LINC00632: variants seen among roughly 807,000 people sequenced by gnomAD.
LINC00632 encodes ALDOA related specific transcript.
intron 3 of LINC00632, among the ~76,000 whole-genome samples, chrX:140,744,971 G>A (rs1449261573): frequency 2.7e-5 from 3 of 110,498 alleles, no homozygotes; most frequent in South Asian, 7.8e-4. Flanking sequence ...ACCTGTCAGC[G>A]AAGGTAGGTT....
intron 3 of LINC00632, among the ~76,000 whole-genome samples, chrX:140,760,368 T>C (rs1472675090): frequency 8.9e-6 from 1 of 112,092 alleles, no homozygotes; most frequent in Non-Finnish European, 1.9e-5. Flanking sequence ...TACTTCTAGC[T>C]GGGGTCTCAG....
chrX:140,752,005 G>T (rs1033833841), intron 3 of LINC00632, among the ~76,000 whole-genome samples: 1 of 111,423 alleles, frequency 9.0e-6, no homozygotes, highest in Non-Finnish European at 1.9e-5. Flanking sequence ...CCTTGGTGAT[G>T]ATTATCTTAG....
chrX:140,719,789 T>A (rs1165133862), intron 2 of LINC00632, among the ~76,000 whole-genome samples: 3 of 108,890 alleles, frequency 2.8e-5, no homozygotes, highest in Non-Finnish European at 1.9e-5. Context: ...CATTTTACAT[T>A]TTAAAGACTC....
chrX:140,727,441 G>GCCA (rs1930981863), intron 2 of LINC00632, among the ~76,000 whole-genome samples: 1 of 111,110 alleles, frequency 9.0e-6, no homozygotes, highest in African/African-American at 3.3e-5. Flanking sequence ...ACAGGTGCCC[G>GCCA]CCACTACGCC....
exon 5 of LINC00632, chrX:140,782,729 A>G (rs1242524003): frequency 9.0e-6 from 1 of 111,677 alleles, no homozygotes; most frequent in Non-Finnish European, 1.9e-5. Context: ...AAGTCTTTAA[A>G]TACCTGCAAG....
intron 2 of LINC00632, among the ~76,000 whole-genome samples, chrX:140,716,856 A>G (rs1045976596): frequency 2.7e-5 from 3 of 110,486 alleles, no homozygotes; most frequent in African/African-American, 6.6e-5. Flanking sequence ...GCCCTACATC[A>G]TACAAACACA....
At chrX:140,753,348 T>G (rs1931437974) in intron 3 of LINC00632, among the ~76,000 whole-genome samples, 1 of 112,151 alleles carries the variant, frequency 8.9e-6, no homozygotes, top group African/African-American at 3.2e-5. Context: ...CTTTCAGCTT[T>G]GAGTGTTTGT....
intron 2 of LINC00632, among the ~76,000 whole-genome samples, chrX:140,718,653 C>T (rs776427378): frequency 9.0e-6 from 1 of 111,488 alleles, no homozygotes; most frequent in South Asian, 3.8e-4. Context: ...TCAGGTGATC[C>T]ACCCATCTCT....
intron 2 of LINC00632, among the ~76,000 whole-genome samples, chrX:140,723,560 G>GACACACATTCCATACACAC (rs1930791437): frequency 4.1e-4 from 1 of 2,465 alleles, no homozygotes; most frequent in East Asian, 0.022. Flanking sequence ...CACATACACA[G>GACACACATTCCATACACAC]ACACACATTC....
chrX:140,738,446 G>T (rs777908814), intron 3 of LINC00632, among the ~76,000 whole-genome samples: 1 of 112,443 alleles, frequency 8.9e-6, no homozygotes, highest in East Asian at 2.8e-4. Flanking sequence ...CCATGCAATG[G>T]AAGTAGTTGT....
intron 3 of LINC00632, among the ~76,000 whole-genome samples, chrX:140,763,122 G>A (rs952705977): frequency 3.6e-5 from 4 of 112,067 alleles, no homozygotes; most frequent in Admixed American, 9.4e-5. Context: ...TAGGCCAGGC[G>A]CGGTGGCTCA....
At chrX:140,785,687 C>G (rs995596067) in exon 5 of LINC00632, among the ~76,000 whole-genome samples, 1 of 112,060 alleles carries the variant, frequency 8.9e-6, no homozygotes, top group Admixed American at 9.5e-5. Flanking sequence ...CTTTCTGATA[C>G]CATTTTCAGT....
At chrX:140,753,888 G>C (rs767372999) in intron 3 of LINC00632, among the ~76,000 whole-genome samples, 2 of 101,990 alleles carry the variant, frequency 2.0e-5, no homozygotes, top group Non-Finnish European at 3.9e-5. Context: ...CAGTTCTCCT[G>C]CCTCAGCCTG....
chrX:140,788,913 ATGTGTGTG>A (rs72149065), exon 5 of LINC00632, among the ~76,000 whole-genome samples: 5 of 95,009 alleles, frequency 5.3e-5, no homozygotes, highest in Admixed American at 1.2e-4. Context: ...ATATATATAT[ATGTGTGTG>A]TGTGTGTGTG....
chrX:140,721,630 T>C (rs1159916325), intron 2 of LINC00632, among the ~76,000 whole-genome samples: 1 of 110,404 alleles, frequency 9.1e-6, no homozygotes, highest in Non-Finnish European at 1.9e-5. Context: ...TAGCAGGCCA[T>C]GGAGTGGTAC....
intron 3 of LINC00632, among the ~76,000 whole-genome samples, chrX:140,748,549 C>G (rs1271059658): frequency 3.6e-5 from 4 of 110,799 alleles, no homozygotes; most frequent in African/African-American, 1.3e-4. Context: ...AATGAAACAT[C>G]TTATTATTGA....
chrX:140,732,153 G>A (rs1465852957), intron 2 of LINC00632, among the ~76,000 whole-genome samples: 2 of 110,978 alleles, frequency 1.8e-5, no homozygotes, highest in Non-Finnish European at 3.8e-5. Flanking sequence ...GCAGTGAGCC[G>A]AGATCGAGCC....
rs922056525 is a variant in LINC00632, at chrX:140,728,897, C to T, written n.105-4981C>T. Among the ~76,000 whole-genome samples the T allele has an allele frequency of 2.7e-5, 3 of 111,111 alleles. No individual in the cohort carries two copies. The Admixed American group carries it at 2.9e-4, about 11-fold the overall frequency. On this transcript the variant is annotated intron_variant and non_coding_transcript_variant, in intron 2 of 4. Transcript: ENST00000648200. ...ATCACAACCTCACACCACCCCACAACGCCAATAAGTGACCTACAAAACATA... is the reference window on the plus strand; with the variant it reads ...ATCACAACCTCACACCACCCCACAATGCCAATAAGTGACCTACAAAACATA...
At chrX:140,740,972 T>C (rs186535287) in intron 3 of LINC00632, among the ~76,000 whole-genome samples, 1 of 112,137 alleles carries the variant, frequency 8.9e-6, no homozygotes, top group East Asian at 2.8e-4. Context: ...TTGTTAGGAA[T>C]CATAGTTGTA....
Sources: gnomAD v4.1 joint callset for allele counts (sites outside exome capture counted in the v4.1 genomes callset) on GRCh38, gnomAD v4.1.1 for gene constraint, MANE v1.5 for transcripts, NCBI Gene and HGNC (gene_info 2026-07-23, HGNC 2026-07-21) for gene names.